Variants in IL1RAPL1 observed in about 807,000 individuals in gnomAD.
IL1RAPL1 encodes the protein interleukin-1 receptor accessory protein-like 1.
In IL1RAPL1, 3 loss-of-function variants were observed where a neutral mutation model predicts 48.4. That is an observed-to-expected ratio of 0.06 (90% confidence interval 0.03 to 0.16). The LOEUF (loss-of-function observed/expected upper bound fraction) is 0.16. IL1RAPL1 is among the 10% of genes least tolerant of loss of function. The pLI is 1.00. For missense variants in IL1RAPL1, 349 were observed against 530.6 expected, an observed-to-expected ratio of 0.66 and a Z score of 3.36; for synonymous variants, 185 against 187.7, an observed-to-expected ratio of 0.99 and a Z score of 0.12.
chrX:29,732,717 T>G (rs138468207), intron 6 of IL1RAPL1, among the ~76,000 whole-genome samples: 218 of 112,111 alleles, frequency 1.9e-3, no homozygotes, highest in African/African-American at 6.9e-3. Context: ...TTATGAATAC[T>G]TTTTGGAGAA....
intron 2 of IL1RAPL1, among the ~76,000 whole-genome samples, chrX:29,030,838 C>G (rs1602020473): frequency 1.8e-5 from 2 of 111,442 alleles, no homozygotes; most frequent in African/African-American, 6.5e-5. Context: ...AATCTTATAT[C>G]AAAGTACTAA....
intron 3 of IL1RAPL1, among the ~76,000 whole-genome samples, chrX:29,291,399 CTTTATTT>C (rs1229220282): frequency 9.1e-6 from 1 of 110,200 alleles, no homozygotes; most frequent in Non-Finnish European, 1.9e-5. Flanking sequence ...AGTAAATATA[CTTTATTT>C]TTTATTTTTT....
chrX:29,533,095 A>T (rs1921099033), intron 5 of IL1RAPL1, among the ~76,000 whole-genome samples: 1 of 112,421 alleles, frequency 8.9e-6, no homozygotes, highest in Non-Finnish European at 1.9e-5. Flanking sequence ...ATTGTTTTTA[A>T]AGTGCTTCAC....
chrX:28,978,125 C>T lies in IL1RAPL1; in HGVS notation c.82+188700C>T, dbSNP rs965607286. Among the ~76,000 whole-genome samples, 4 of 111,484 alleles carry T rather than the reference C, an allele frequency of 3.6e-5. No individual in the cohort carries two copies. In the East Asian group the frequency reaches 8.5e-4, roughly 24 times the overall value. On this transcript the variant is annotated intron_variant, in intron 2 of 10. Transcript: ENST00000378993. ...AGCGTAGAATACACACAGGAATGAC[C>T]CAGAAGAGAGGAAGAAATTGGTGAT...
At chrX:29,522,446 C>T (rs993193964) in intron 5 of IL1RAPL1, among the ~76,000 whole-genome samples, 1 of 111,878 alleles carries the variant, frequency 8.9e-6, no homozygotes, top group Non-Finnish European at 1.9e-5. Context: ...CAGGTTTGAG[C>T]CACTGTGCCT....
intron 5 of IL1RAPL1, among the ~76,000 whole-genome samples, chrX:29,648,592 A>C (rs1266033231): frequency 8.9e-6 from 1 of 112,295 alleles, no homozygotes; most frequent in Non-Finnish European, 1.9e-5. Flanking sequence ...AAGACAAATA[A>C]AAATGGAAAT....
intron 2 of IL1RAPL1, among the ~76,000 whole-genome samples, chrX:28,980,018 G>A (rs968668083): frequency 2.7e-5 from 3 of 112,104 alleles, no homozygotes; most frequent in Non-Finnish European, 5.6e-5. Flanking sequence ...GTATAGTGTA[G>A]AAATGTTCAT....
intron 6 of IL1RAPL1, among the ~76,000 whole-genome samples, chrX:29,776,308 C>T (rs1436258300): frequency 1.8e-5 from 2 of 111,267 alleles, no homozygotes; most frequent in Non-Finnish European, 1.9e-5. Flanking sequence ...AACATGCCAG[C>T]GTGCCCTCCC....
chrX:29,679,527 A>T (rs1926386678), intron 6 of IL1RAPL1, among the ~76,000 whole-genome samples: 1 of 112,063 alleles, frequency 8.9e-6, no homozygotes, highest in Non-Finnish European at 1.9e-5. Flanking sequence ...ATTACATATC[A>T]CATACAATAT....
In IL1RAPL1 at chrX:28,727,265, G is replaced by A. The variant is rs757902395; in HGVS notation, c.-24-62055G>A. 3.7e-3 allele frequency among the ~76,000 whole-genome samples: 405 copies of A among 109,161 alleles called. 6 individuals carry two copies. Among genetic ancestry groups the A allele is most frequent in the African/African-American group, 0.013 (384 of 29,914 alleles). 94.8% of individuals were successfully genotyped at this position (109,161 alleles called of 115,157 possible). On this transcript the variant is annotated intron_variant, in intron 1 of 10. Transcript: ENST00000378993. ...GGTCCTTCACATCCCTTGTAAGTTG[G>A]ATTCCTAGGTATTTTATTCTCTTTG...
At chrX:29,701,477 C>T (rs940807075) in intron 6 of IL1RAPL1, among the ~76,000 whole-genome samples, 6 of 111,784 alleles carry the variant, frequency 5.4e-5, no homozygotes, top group East Asian at 2.8e-4. Context: ...GTGCCAATAC[C>T]GTATATGATA....
intron 6 of IL1RAPL1, among the ~76,000 whole-genome samples, chrX:29,730,502 G>A (rs1158004082): frequency 3.6e-5 from 4 of 112,225 alleles, no homozygotes; most frequent in Non-Finnish European, 5.6e-5. Context: ...AAAAAAATAA[G>A]TATCATTACC....
intron 6 of IL1RAPL1, among the ~76,000 whole-genome samples, chrX:29,816,824 A>T (rs1930505047): frequency 9.0e-6 from 1 of 110,512 alleles, no homozygotes; most frequent in African/African-American, 3.3e-5. Flanking sequence ...TGCATCTAAC[A>T]CTGAGCAAGT....
intron 5 of IL1RAPL1, among the ~76,000 whole-genome samples, chrX:29,506,432 T>TCCTC (rs1556025723): frequency 4.6e-4 from 10 of 21,542 alleles, no homozygotes; most frequent in African/African-American, 1.1e-3. Context: ...TTCTTCTCCT[T>TCCTC]CTCCTTCTCC....
chrX:28,789,567 G>T, intron 2 of IL1RAPL1, 142 bp downstream of exon 2: 1 of 493,243 alleles, frequency 2.0e-6, no homozygotes, highest in Non-Finnish European at 3.6e-6. Context: ...TGAGTAAATA[G>T]GTGGAGCACA....
intron 6 of IL1RAPL1, among the ~76,000 whole-genome samples, chrX:29,762,426 C>G (rs766753068): frequency 4.5e-5 from 5 of 111,668 alleles, no homozygotes; most frequent in Non-Finnish European, 7.5e-5. Context: ...TCTTTAGAAG[C>G]CAAACTGCTG....
intron 6 of IL1RAPL1, among the ~76,000 whole-genome samples, chrX:29,889,764 A>T (rs1168102433): frequency 1.8e-5 from 2 of 111,427 alleles, no homozygotes; most frequent in African/African-American, 6.5e-5. Context: ...TACAGAAAAA[A>T]CTGTTTCCAT....
intron 5 of IL1RAPL1, among the ~76,000 whole-genome samples, chrX:29,625,337 A>AT (rs1367188725): frequency 8.9e-6 from 1 of 111,865 alleles, no homozygotes; most frequent in Admixed American, 9.5e-5. Flanking sequence ...ATACATGATG[A>AT]TTTTTTCTTA....
intron 6 of IL1RAPL1, among the ~76,000 whole-genome samples, chrX:29,731,169 T>G (rs189943031): frequency 8.9e-6 from 1 of 112,071 alleles, no homozygotes; most frequent in Non-Finnish European, 1.9e-5. Flanking sequence ...TTGGCACACC[T>G]TTTTGGCCAA....
Sources: allele counts gnomAD v4.1 joint callset (sites outside exome capture counted in the v4.1 genomes callset), GRCh38; gene constraint gnomAD v4.1.1; transcripts MANE v1.5; gene names NCBI Gene and HGNC (gene_info 2026-07-23, HGNC 2026-07-21).